The following NSD2 variants were observed in gnomAD, a reference collection of about 807,000 sequenced individuals.
NSD2 encodes the protein nuclear receptor binding SET domain protein 2.
NSD2 carries 12 observed loss-of-function variants against 139.0 expected under a neutral mutation model. The observed-to-expected ratio is 0.09, with a 90% CI of 0.06 to 0.14. The LOEUF (loss-of-function observed/expected upper bound fraction) is 0.14. Ranked by LOEUF, NSD2 falls within the 10% of genes least tolerant of loss-of-function variation. The probability of loss-of-function intolerance (pLI) is 1.00; values close to 1 mark genes in which losing one functional copy is unlikely to be tolerated. For synonymous variants in NSD2, 669 were observed against 648.7 expected, an observed-to-expected ratio of 1.03 and a Z score of -0.48; for missense variants, 1,155 against 1,745.0, an observed-to-expected ratio of 0.66 and a Z score of 6.02.
chr4:1,882,870 A>G (rs542693217), intron 1 of NSD2, among the ~76,000 whole-genome samples: 31 of 152,168 alleles, frequency 2.0e-4, no homozygotes, highest in African/African-American at 7.2e-4. Flanking sequence ...GGGCCCAACA[A>G]TCTGTGTTCT....
intron 1 of NSD2, among the ~76,000 whole-genome samples, chr4:1,878,593 G>A (rs1019599887): frequency 6.6e-6 from 1 of 152,010 alleles, no homozygotes; most frequent in African/African-American, 2.4e-5. Context: ...AATGGTACCT[G>A]AGTGACTGTC....
chr4:1,898,392 C>T (rs373799057), intron 1 of NSD2, among the ~76,000 whole-genome samples: 11 of 152,160 alleles, frequency 7.2e-5, no homozygotes, highest in African/African-American at 2.7e-4. Context: ...TGGCCAGGTG[C>T]GGTGGCTCAC....
intron 6 of NSD2, among the ~76,000 whole-genome samples, chr4:1,934,908 TA>T (rs58817114): frequency 2.9e-4 from 23 of 79,080 alleles, no homozygotes; most frequent in South Asian, 8.5e-4. Flanking sequence ...TATATATATA[TA>T]AAAAACAGAT....
intron 9 of NSD2, chr4:1,941,264 T>G (rs1322652843): frequency 1.9e-6 from 2 of 1,057,296 alleles, no homozygotes; most frequent in Non-Finnish European, 2.3e-6. Flanking sequence ...TAAAGAGCTT[T>G]TAATGAGTTT....
chr4:1,921,744 T>G (rs1445961364), intron 5 of NSD2, among the ~76,000 whole-genome samples: 1 of 135,746 alleles, frequency 7.4e-6, no homozygotes, highest in Non-Finnish European at 1.5e-5. Context: ...ATCACGCCAA[T>G]GCACTCCAGC....
chr4:1,919,722 A>G (rs1719869611), intron 5 of NSD2, among the ~76,000 whole-genome samples: 1 of 152,136 alleles, frequency 6.6e-6, no homozygotes, highest in Non-Finnish European at 1.5e-5. Context: ...TCATGAGGTC[A>G]GGAATTTGAG....
At chr4:1,904,421 A>G in intron 3 of NSD2, 43 bp downstream of exon 3, 1 of 1,562,324 alleles carries the variant, frequency 6.4e-7, no homozygotes, top group Admixed American at 1.9e-5. Flanking sequence ...TCTCTTCTGC[A>G]CTTAATCTTT....
intron 5 of NSD2, among the ~76,000 whole-genome samples, chr4:1,929,498 G>A (rs1577468388): frequency 2.0e-5 from 3 of 152,158 alleles, no homozygotes; most frequent in African/African-American, 2.4e-5. Context: ...GGTTGGTGCC[G>A]AGCCAGTCAG....
chr4:1,951,247 C>CTG (rs762761295), intron 10 of NSD2, 44 bp downstream of exon 10: 2 of 1,611,872 alleles, frequency 1.2e-6, no homozygotes, highest in African/African-American at 1.3e-5. Context: ...TGGTGTCTGA[C>CTG]TGGGGCCCCG....
At chr4:1,934,578 G>A (rs1166061384) in intron 6 of NSD2, among the ~76,000 whole-genome samples, 4 of 150,046 alleles carry the variant, frequency 2.7e-5, no homozygotes, top group South Asian at 2.1e-4. Flanking sequence ...GGCCAGGCGC[G>A]GTGGCTCACG....
intron 1 of NSD2, among the ~76,000 whole-genome samples, chr4:1,872,099 C>T (rs1307634507): frequency 2.0e-5 from 3 of 151,844 alleles, no homozygotes; most frequent in Non-Finnish European, 4.4e-5. Flanking sequence ...TGTTTGCAGG[C>T]GGTGTCTGGC....
chr4:1,974,832 A>G lies in NSD2; in HGVS notation c.3373-31A>G. ...TTAAAAATAACATGCGATTGCTAACACTTGACCGAATATATCACTTGACCT... is the reference window on the plus strand; with the variant it reads ...TTAAAAATAACATGCGATTGCTAACGCTTGACCGAATATATCACTTGACCT... On this transcript the variant is annotated intron_variant, in intron 18 of 21. Transcript: ENST00000508803. This position sits in a 1 kb window ranked among gnomAD's most constrained non-coding sequence, Gnocchi z 4.0. 3.7e-6 allele frequency: 6 copies of G among 1,612,738 alleles called. No homozygotes were observed. The highest frequency in any genetic ancestry group is 3.3e-5 in the South Asian group (3 of 91,070).
intron 5 of NSD2, among the ~76,000 whole-genome samples, chr4:1,926,814 A>G (rs1477492786): frequency 6.6e-6 from 1 of 152,000 alleles, no homozygotes; most frequent in Admixed American, 6.6e-5. Flanking sequence ...CCTGATCCTA[A>G]TTTTTACACA....
At position 1,973,232 on chromosome 4, in the gene NSD2, TGGC is replaced by T. The variant is rs1200031807; in HGVS notation, c.3373-1628_3373-1626del. Among the ~76,000 whole-genome samples the T allele has an allele frequency of 2.0e-5, 3 of 152,134 alleles. No homozygotes were observed. Among genetic ancestry groups the T allele is most frequent in the Non-Finnish European group, 4.4e-5 (3 of 68,026 alleles). On this transcript the variant is annotated intron_variant, in intron 18 of 21. Coordinates refer to ENST00000508803, the MANE Select transcript of NSD2 (RefSeq NM_001042424.3). This position sits in a 1 kb window ranked among gnomAD's most constrained non-coding sequence, Gnocchi z 5.5. ...AGATAAATAAAACAGGGTCAAGACA[TGGC>T]GGGCAACCCACAGATGAAAACTGGC...
chr4:1,873,051 A>G (rs573174416), intron 1 of NSD2, among the ~76,000 whole-genome samples: 13 of 152,338 alleles, frequency 8.5e-5, no homozygotes, highest in Middle Eastern at 3.4e-3. Flanking sequence ...CTAAACTGCC[A>G]AATGGAGATG....
At chr4:1,889,504 CT>C (rs768102024) in intron 1 of NSD2, among the ~76,000 whole-genome samples, 244 of 142,108 alleles carry the variant, frequency 1.7e-3, no homozygotes, top group East Asian at 2.0e-3. Flanking sequence ...CAAGATTTGA[CT>C]TTTTTTTTTT....
At chr4:1,921,338 A>G (rs779212894) in intron 5 of NSD2, among the ~76,000 whole-genome samples, 42 of 152,048 alleles carry the variant, frequency 2.8e-4, no homozygotes, top group Non-Finnish European at 5.6e-4. Context: ...GTGCGCCTGT[A>G]CTTCCGGCTA....
intron 9 of NSD2, chr4:1,946,594 A>G (rs1318871294): frequency 2.0e-6 from 2 of 1,024,984 alleles, no homozygotes; most frequent in Non-Finnish European, 2.3e-6. Flanking sequence ...TAAAAGAAAT[A>G]TTCTGATTCA....
rs1278200076 is a variant in NSD2 at position 1,981,646 on chromosome 4, T to G, written c.*2737T>G. ...CCAGCTGTCCGTCCTCAGGCCGGCCTTTCTTCCGGCGACACCCGTCCATGG... is the reference window on the plus strand; with the variant it reads ...CCAGCTGTCCGTCCTCAGGCCGGCCGTTCTTCCGGCGACACCCGTCCATGG... On this transcript the variant is annotated 3_prime_UTR_variant, in exon 22 of 22. Coordinates refer to ENST00000508803, the MANE Select transcript of NSD2 (RefSeq NM_001042424.3). The G allele has an allele frequency of 2.6e-6, 1 of 388,484 alleles. No individual in the cohort carries two copies. Among genetic ancestry groups the G allele is most frequent in the Non-Finnish European group, 4.5e-6 (1 of 220,092 alleles). The allele number at this position is 388,484 out of a possible 1,614,324, so 24.1% of individuals were successfully genotyped here. A position where few individuals can be genotyped will look rare whatever the true frequency, so the allele number is the denominator to read the frequency against.
Sources: gnomAD v4.1 joint callset for allele counts (sites outside exome capture counted in the v4.1 genomes callset) on GRCh38, gnomAD v4.1.1 for gene constraint, Gnocchi (gnomAD v3.1) non-coding constraint, MANE v1.5 for transcripts, NCBI Gene and HGNC (gene_info 2026-07-23, HGNC 2026-07-21) for gene names.